Variants in TEX22 observed in about 807,000 individuals in gnomAD.
The protein encoded by TEX22 is testis expressed 22.
In TEX22, 16 loss-of-function variants were observed where a neutral mutation model predicts 11.3. The ratio of observed to expected loss-of-function variants is 1.42; its 90% confidence interval spans 0.96 to 2.15. The LOEUF (loss-of-function observed/expected upper bound fraction) is 2.15. Among genes scored for constraint, TEX22 ranks in the 30% most tolerant of loss-of-function variants. TEX22 has a pLI of 0.00. For synonymous variants in TEX22, 97 were observed against 92.3 expected (o/e 1.05, Z -0.29); for missense variants, 220 against 208.6 (o/e 1.05, Z -0.34).
Position 105,399,021 on chromosome 14 carries a change from C to T in TEX22, c.-39-281C>T, listed in dbSNP as rs587707498. Among the ~76,000 whole-genome samples the T allele has an allele frequency of 8.5e-5, 13 of 152,356 alleles. No homozygotes were observed. In the South Asian group the frequency reaches 2.7e-3, roughly 32 times the overall value. On this transcript the variant is annotated intron_variant, in intron 1 of 3. Coordinates refer to ENST00000451127, the MANE Select transcript of TEX22 (RefSeq NM_001195082.2). ...GAACGTTTGAGAAGGCTGGCAGAGG[C>T]GTGGAGTCCGTGCAGCAGGCTGCCG...
chr14:105,409,498 C>CTTT (rs1421021622), intron 2 of TEX22, among the ~76,000 whole-genome samples: 9 of 145,838 alleles, frequency 6.2e-5, no homozygotes, highest in African/African-American at 2.2e-4. Context: ...ACTTCTTCTT[C>CTTT]TTCTTTTTTT....
At chr14:105,404,191 C>T (rs374648623) in intron 2 of TEX22, among the ~76,000 whole-genome samples, 14 of 152,204 alleles carry the variant, frequency 9.2e-5, no homozygotes, top group African/African-American at 3.1e-4. Flanking sequence ...GCAGCTCACT[C>T]ACATGACTGG....
intron 2 of TEX22, among the ~76,000 whole-genome samples, chr14:105,402,617 G>A (rs587616900): frequency 4.5e-4 from 69 of 152,012 alleles, no homozygotes; most frequent in South Asian, 2.7e-3. Context: ...TTAGCCGGGC[G>A]TGGTGGCGGG....
At chr14:105,405,248 C>G (rs1284930043) in intron 2 of TEX22, among the ~76,000 whole-genome samples, 1 of 151,910 alleles carries the variant, frequency 6.6e-6, no homozygotes, top group African/African-American at 2.4e-5. Flanking sequence ...TGAGATTGCA[C>G]CACCACACTC....
At position 105,413,656 on chromosome 14, in the gene TEX22, C is replaced by T. The variant is rs1555419620; in HGVS notation, c.*1823C>T. On this transcript the variant is annotated 3_prime_UTR_variant, in exon 4 of 4. Coordinates refer to ENST00000451127, the MANE Select transcript of TEX22 (RefSeq NM_001195082.2). This position sits in a 1 kb window ranked among gnomAD's most constrained non-coding sequence, Gnocchi z 4.2. ...GCAGAGACAAAACCCTGGCCTCCTTCAGGCTGAGGCCCAGAGCCAGTCTCC... is the reference window on the plus strand; with the variant it reads ...GCAGAGACAAAACCCTGGCCTCCTTTAGGCTGAGGCCCAGAGCCAGTCTCC... 6.6e-6 allele frequency: 1 copy of T among 152,314 alleles called. No individual in the cohort carries two copies. The highest frequency in any genetic ancestry group is 1.9e-4 in the East Asian group (1 of 5,192). The allele number at this position is 152,314 out of a possible 1,614,324, so 9.4% of individuals were successfully genotyped here. A position where few individuals can be genotyped will look rare whatever the true frequency, so the allele number is the denominator to read the frequency against.
chr14:105,403,105 G>T (rs1279037639), intron 2 of TEX22, among the ~76,000 whole-genome samples: 1 of 152,160 alleles, frequency 6.6e-6, no homozygotes. Flanking sequence ...GCAAGCAGAG[G>T]AACAGACCTA....
At chr14:105,401,608 G>A (rs782756234) in intron 2 of TEX22, among the ~76,000 whole-genome samples, 87 of 151,058 alleles carry the variant, frequency 5.8e-4, no homozygotes, top group Non-Finnish European at 6.5e-4. Context: ...GGGAGGGATA[G>A]CATTAGGAGA....
At chr14:105,408,181 C>T (rs2081668463) in intron 2 of TEX22, among the ~76,000 whole-genome samples, 1 of 152,046 alleles carries the variant, frequency 6.6e-6, no homozygotes, top group South Asian at 2.1e-4. Flanking sequence ...GACGTCCCAC[C>T]GCATGCTGAG....
chr14:105,404,160 A>G (rs1197777951), intron 2 of TEX22, among the ~76,000 whole-genome samples: 5 of 152,236 alleles, frequency 3.3e-5, no homozygotes, highest in African/African-American at 7.2e-5. Context: ...AGCTTGAGGA[A>G]GGCTGGAGAC....
At chr14:105,400,601 G>T (rs1555418246) in intron 2 of TEX22, among the ~76,000 whole-genome samples, 1 of 152,126 alleles carries the variant, frequency 6.6e-6, no homozygotes. Flanking sequence ...CAAGGACACA[G>T]GGACCCAGTG....
intron 1 of TEX22, 134 bp from the exon 2 acceptor site, chr14:105,399,168 G>A (rs1401432621): frequency 4.9e-6 from 3 of 606,974 alleles, no homozygotes; most frequent in Non-Finnish European, 8.7e-6. Flanking sequence ...GGTCAGTGAT[G>A]CCTGACCTTT....
rs1225076475 is a variant in TEX22 at position 105,413,680 on chromosome 14, C to T, written c.*1847C>T. The T allele has an allele frequency of 2.0e-5, 3 of 152,320 alleles. No homozygotes were observed. The highest frequency in any genetic ancestry group is 4.4e-5 in the Non-Finnish European group (3 of 68,136). The allele number at this position is 152,320 out of a possible 1,614,324, so 9.4% of individuals were successfully genotyped here. ...TCAGGCTGAGGCCCAGAGCCAGTCT[C>T]CTGGTGGGTAAGGTGGCCACAGGGC... is the stretch of plus-strand genomic sequence containing the variant. On this transcript the variant is annotated 3_prime_UTR_variant, in exon 4 of 4. Coordinates refer to ENST00000451127, the MANE Select transcript of TEX22 (RefSeq NM_001195082.2). The surrounding 1 kb of genome is among the most constrained non-coding windows in gnomAD (Gnocchi z 4.2).
At chr14:105,408,495 C>G (rs1428116052) in intron 2 of TEX22, among the ~76,000 whole-genome samples, 1 of 152,222 alleles carries the variant, frequency 6.6e-6, no homozygotes, top group African/African-American at 2.4e-5. Flanking sequence ...ATGATCTTGG[C>G]TCACTGCAAC....
intron 2 of TEX22, among the ~76,000 whole-genome samples, chr14:105,401,746 G>A (rs1240677778): frequency 4.6e-5 from 7 of 152,130 alleles, no homozygotes; most frequent in South Asian, 2.1e-4. Context: ...AAAAAAAACC[G>A]AAGTATAGAA....
intron 2 of TEX22, among the ~76,000 whole-genome samples, chr14:105,407,112 G>C (rs782388296): frequency 6.8e-6 from 1 of 147,606 alleles, no homozygotes; most frequent in South Asian, 2.1e-4. Context: ...CTGTCACCCA[G>C]GCTGGAGTGC....
In TEX22 at chr14:105,411,515, C is replaced by CAG; in HGVS notation, c.279+19_279+20insAG. 4 of 1,151,236 alleles carry CAG rather than the reference C, an allele frequency of 3.5e-6. No individual in the cohort carries two copies. Among genetic ancestry groups the CAG allele is most frequent in the East Asian group, 4.3e-5 (1 of 23,332 alleles). 71.3% of individuals were successfully genotyped at this position (1,151,236 alleles called of 1,614,324 possible). On this transcript the variant is annotated intron_variant, in intron 3 of 3. Transcript: ENST00000451127. ...CTGCAGGGTGCGCGGGGGGCGGGTC[C>CAG]TCCCCGCCCCGTCCCCGCCCCGCCC... is the stretch of plus-strand genomic sequence containing the variant.
intron 2 of TEX22, among the ~76,000 whole-genome samples, chr14:105,405,409 C>T (rs1285498983): frequency 1.3e-5 from 2 of 152,170 alleles, no homozygotes; most frequent in East Asian, 3.8e-4. Context: ...GCCGGTACGT[C>T]ATTTAATTCA....
At chr14:105,398,832 G>GCTC (rs2081603779) in intron 1 of TEX22, among the ~76,000 whole-genome samples, 197 bp downstream of exon 1, 1 of 152,238 alleles carries the variant, frequency 6.6e-6, no homozygotes, top group Non-Finnish European at 1.5e-5. Flanking sequence ...GCACGTAAGG[G>GCTC]CTCCGGGCTG....
rs1257831336 is a variant in TEX22, at chr14:105,413,167, A to G, written c.*1334A>G. On this transcript the variant is annotated 3_prime_UTR_variant, in exon 4 of 4. Transcript: ENST00000451127. The surrounding 1 kb of genome is among the most constrained non-coding windows in gnomAD (Gnocchi z 4.2). ...CTGCATTTCTCAGGAGCCCTAGGGT[A>G]GGTGGATGGAGGGCAGATCCTCCAG... 1 of 152,298 alleles carries G rather than the reference A, an allele frequency of 6.6e-6. No homozygotes were observed. The highest frequency in any genetic ancestry group is 1.5e-5 in the Non-Finnish European group (1 of 68,118). 9.4% of individuals were successfully genotyped at this position (152,298 alleles called of 1,614,324 possible).
Sources: gnomAD v4.1 joint callset for allele counts (sites outside exome capture counted in the v4.1 genomes callset) on GRCh38, gnomAD v4.1.1 for gene constraint, Gnocchi (gnomAD v3.1) non-coding constraint, MANE v1.5 for transcripts, NCBI Gene and HGNC (gene_info 2026-07-23, HGNC 2026-07-21) for gene names.